The following TLK1 variants were observed in gnomAD, a reference collection of about 807,000 sequenced individuals.
TLK1 encodes serine/threonine-protein kinase tousled-like 1.
In TLK1, 24 loss-of-function variants were observed where a neutral mutation model predicts 105.3. The ratio of observed to expected loss-of-function variants is 0.23; its 90% CI spans 0.17 to 0.32. The LOEUF (loss-of-function observed/expected upper bound fraction) is 0.32. Ranked by LOEUF, TLK1 falls within the 10% of genes least tolerant of loss-of-function variation. The pLI is 1.00. For missense variants in TLK1, 558 were observed against 910.5 expected (o/e 0.61, Z 4.98); for synonymous variants, 321 against 310.4 (o/e 1.03, Z -0.36).
At chr2:171,148,909 A>ATG (rs1691907813) in intron 1 of TLK1, among the ~76,000 whole-genome samples, 2 of 141,112 alleles carry the variant, frequency 1.4e-5, no homozygotes, top group African/African-American at 2.7e-5. Flanking sequence ...ATATATATAT[A>ATG]TATGTGTGTG....
intron 3 of TLK1, among the ~76,000 whole-genome samples, chr2:171,074,822 T>C (rs150931349): frequency 4.6e-5 from 7 of 152,138 alleles, no homozygotes; most frequent in African/African-American, 1.7e-4. Flanking sequence ...GACAGCAAGA[T>C]AGAATATGTC....
rs1001951772 is a variant in TLK1 at position 171,160,181 on chromosome 2, C to G, written c.139+109G>C. On this transcript the variant is annotated intron_variant, in intron 1 of 20. Coordinates refer to ENST00000431350, the MANE Select transcript of TLK1 (RefSeq NM_012290.5). The surrounding 1 kb of genome is among the most constrained non-coding windows in gnomAD (Gnocchi z 4.4). ...GTCCACCTCGCCACCATCCCCCACCCCAGGGTCTGGCGGAGAAGCCCCGGG... is the reference window on the plus strand; with the variant it reads ...GTCCACCTCGCCACCATCCCCCACCGCAGGGTCTGGCGGAGAAGCCCCGGG... The G allele has an allele frequency of 1.7e-6, 2 of 1,205,588 alleles. No individual in the cohort carries two copies. Among genetic ancestry groups the G allele is most frequent in the Admixed American group, 4.4e-5 (1 of 22,506 alleles). 74.7% of individuals were successfully genotyped at this position (1,205,588 alleles called of 1,614,324 possible).
At chr2:171,064,034 T>C (rs1440159267) in intron 3 of TLK1, among the ~76,000 whole-genome samples, 1 of 152,234 alleles carries the variant, frequency 6.6e-6, no homozygotes, top group Non-Finnish European at 1.5e-5. Flanking sequence ...TTTCCCAGTG[T>C]GGAGGTATGG....
At chr2:171,219,843 T>C (rs976513047) in intron 1 of TLK1, among the ~76,000 whole-genome samples, 1 of 152,164 alleles carries the variant, frequency 6.6e-6, no homozygotes, top group Non-Finnish European at 1.5e-5. Context: ...TCAAGTGATC[T>C]GCCCACCTCG....
At chr2:171,116,259 T>C (rs1690420834) in intron 2 of TLK1, among the ~76,000 whole-genome samples, 2 of 152,158 alleles carry the variant, frequency 1.3e-5, no homozygotes, top group Non-Finnish European at 2.9e-5. Flanking sequence ...TTACTTACGA[T>C]GTATGAAGTC....
chr2:171,036,673 A>G (rs1686356382), intron 11 of TLK1, among the ~76,000 whole-genome samples: 1 of 152,206 alleles, frequency 6.6e-6, no homozygotes, highest in East Asian at 1.9e-4. Context: ...GGAGGAGGTA[A>G]CTTGCTTCTC....
At chr2:171,055,748 G>A (rs953123961) in intron 6 of TLK1, among the ~76,000 whole-genome samples, 2 of 151,894 alleles carry the variant, frequency 1.3e-5, no homozygotes, top group East Asian at 3.9e-4. Flanking sequence ...GGTACAAAAT[G>A]AGTAAAACAA....
Position 171,160,143 on chromosome 2 carries a change from C to T in TLK1, c.139+147G>A, listed in dbSNP as rs1692406575. The T allele has an allele frequency of 1.2e-5, 11 of 888,628 alleles. No individual in the cohort carries two copies. The East Asian group carries it at 2.2e-4, about 18-fold the overall frequency. The allele number at this position is 888,628 out of a possible 1,614,324, so 55.0% of individuals were successfully genotyped here. A position where few individuals can be genotyped will look rare whatever the true frequency, so the allele number is the denominator to read the frequency against. On this transcript the variant is annotated intron_variant, in intron 1 of 20. Coordinates refer to ENST00000431350, the MANE Select transcript of TLK1 (RefSeq NM_012290.5). The surrounding 1 kb of genome is among the most constrained non-coding windows in gnomAD (Gnocchi z 4.4). ...CACTACCTCCCCAGAGCCGGGGAGC[C>T]GGGCGGCCTCGCGTCCACCTCGCCA...
intron 3 of TLK1, among the ~76,000 whole-genome samples, chr2:171,067,509 G>A (rs536992273): frequency 6.6e-6 from 1 of 152,224 alleles, no homozygotes; most frequent in African/African-American, 2.4e-5. Flanking sequence ...TTCAAAGCCA[G>A]TATCAATTGA....
At chr2:171,080,830 C>A (rs1688718950) in intron 3 of TLK1, among the ~76,000 whole-genome samples, 1 of 151,880 alleles carries the variant, frequency 6.6e-6, no homozygotes, top group South Asian at 2.1e-4. Context: ...ACCTCAGCCT[C>A]TCGAGTAGAT....
chr2:171,135,727 G>A (rs1051872587), intron 1 of TLK1, among the ~76,000 whole-genome samples: 4 of 151,938 alleles, frequency 2.6e-5, no homozygotes, highest in African/African-American at 7.3e-5. Context: ...GCTTGAACCC[G>A]GGAGGCAGAG....
intron 1 of TLK1, among the ~76,000 whole-genome samples, chr2:171,171,797 C>T (rs1012596316): frequency 1.3e-5 from 2 of 152,058 alleles, no homozygotes; most frequent in Admixed American, 6.5e-5. Context: ...TATGAAATGT[C>T]AGTAAATATG....
intron 1 of TLK1, among the ~76,000 whole-genome samples, chr2:171,200,181 C>T (rs1415081196): frequency 6.6e-6 from 1 of 152,134 alleles, no homozygotes; most frequent in African/African-American, 2.4e-5. Flanking sequence ...GAAATTGTGG[C>T]GTTTCCACTT....
chr2:171,161,176 C>G (rs907579984), upstream of TLK1, among the ~76,000 whole-genome samples: 6 of 148,192 alleles, frequency 4.0e-5, no homozygotes, highest in African/African-American at 1.5e-4. Context: ...GCAGCGTCCC[C>G]GCGCCGGCCG....
chr2:171,223,304 G>A (rs1693841459), intron 1 of TLK1, among the ~76,000 whole-genome samples: 1 of 152,030 alleles, frequency 6.6e-6, no homozygotes, highest in Admixed American at 6.6e-5. Flanking sequence ...ATCCTCACCA[G>A]CATCCATTAT....
intron 18 of TLK1, 119 bp downstream of exon 18, chr2:171,006,028 C>A: frequency 9.6e-7 from 1 of 1,043,412 alleles, no homozygotes. Context: ...AGCTTAATAT[C>A]AGTACCTTTA....
At chr2:171,008,651 TCTTTA>T (rs138143513) in intron 14 of TLK1, among the ~76,000 whole-genome samples, 3,317 of 152,304 alleles carry the variant, frequency 0.022, 48 homozygotes, top group Non-Finnish European at 0.035. Context: ...AAAATACAAC[TCTTTA>T]CTTCTTGACT....
chr2:171,182,756 C>T (rs1480178570), intron 1 of TLK1, among the ~76,000 whole-genome samples: 1 of 151,376 alleles, frequency 6.6e-6, no homozygotes, highest in Admixed American at 6.6e-5. Flanking sequence ...CCTATCACAA[C>T]AAAAAATTAA....
chr2:171,001,111 C>T (rs1183668855), intron 18 of TLK1, among the ~76,000 whole-genome samples: 1 of 152,212 alleles, frequency 6.6e-6, no homozygotes, highest in Non-Finnish European at 1.5e-5. Flanking sequence ...ACGGTTTTCT[C>T]TTGCAGCAAT....
Sources: gnomAD v4.1 joint callset for allele counts (sites outside exome capture counted in the v4.1 genomes callset) on GRCh38, gnomAD v4.1.1 for gene constraint, Gnocchi (gnomAD v3.1) non-coding constraint, MANE v1.5 for transcripts, NCBI Gene and HGNC (gene_info 2026-07-23, HGNC 2026-07-21) for gene names.